MED25: variants seen among roughly 807,000 people sequenced by gnomAD.
MED25 encodes mediator complex subunit 25, also known as mediator of RNA polymerase II transcription subunit 25.
Under a neutral mutation model 89.4 loss-of-function variants are expected in MED25, and 62 were observed. That is an observed-to-expected ratio of 0.69 (90% confidence interval 0.57 to 0.86). The LOEUF (loss-of-function observed/expected upper bound fraction) is 0.86. Among genes scored for constraint, MED25 ranks in the 40% least tolerant of loss-of-function variants. The probability of loss-of-function intolerance (pLI) is 0.00; values close to 1 mark genes in which losing one functional copy is unlikely to be tolerated. For missense variants in MED25, 905 were observed against 1,005.2 expected, an observed-to-expected ratio of 0.90 and a Z score of 1.35; for synonymous variants, 449 against 427.9, an observed-to-expected ratio of 1.05 and a Z score of -0.61.
At chr19:49,825,179 A>T (rs16981464) in intron 3 of MED25, among the ~76,000 whole-genome samples, 1 of 152,138 alleles carries the variant, frequency 6.6e-6, no homozygotes, top group African/African-American at 2.4e-5. Context: ...CTTAGTGTTC[A>T]ATAAGAGAAA....
rs1172823227 is a variant in MED25, at chr19:49,836,655, T to C, written c.2147-192T>C. ...CCTGGGATTGCTGGGAAATGTGGTC[T>C]TAGGGCCAGAGAAGTAGTTTTGGAG... On this transcript the variant is annotated intron_variant, in intron 17 of 17. Transcript: ENST00000312865. The surrounding 1 kb of genome is among the most constrained non-coding windows in gnomAD (Gnocchi z 5.1). 5.4e-6 allele frequency: 4 copies of C among 738,676 alleles called. No homozygotes were observed. In the African/African-American group the frequency reaches 6.9e-5, roughly 13 times the overall value. 45.8% of individuals were successfully genotyped at this position (738,676 alleles called of 1,614,324 possible).
In MED25 at chr19:49,823,863, G is replaced by A. The variant is rs991380897; in HGVS notation, c.305+4567G>A. Reference sequence around the variant, plus strand: ...GTGGGGGCCGTCCTGGGTATTGTAGGATGTTTAACATCATCCTTGGCCTCT... The same window carrying A: ...GTGGGGGCCGTCCTGGGTATTGTAGAATGTTTAACATCATCCTTGGCCTCT... On this transcript the variant is annotated intron_variant, in intron 3 of 17. Transcript: ENST00000312865. Among the ~76,000 whole-genome samples, 4 of 152,208 alleles carry A rather than the reference G, an allele frequency of 2.6e-5. No homozygotes were observed. The South Asian group carries it at 6.2e-4, about 24-fold the overall frequency.
Position 49,831,581 on chromosome 19 carries a change from C to A in MED25, c.1230+120C>A. 1 of 1,298,552 alleles carries A rather than the reference C, an allele frequency of 7.7e-7. No individual in the cohort carries two copies. 80.4% of individuals were successfully genotyped at this position (1,298,552 alleles called of 1,614,324 possible). On this transcript the variant is annotated intron_variant, in intron 10 of 17. Coordinates refer to ENST00000312865, the MANE Select transcript of MED25 (RefSeq NM_030973.4). This position sits in a 1 kb window ranked among gnomAD's most constrained non-coding sequence, Gnocchi z 5.0. ...GTGCTGGGTTTGGAGGCATTCGTTG[C>A]GCTGGACCTGTGGGATGCGGGGCGA...
chr19:49,829,124 G>A lies in MED25; in HGVS notation c.525+34G>A. 1 of 1,593,066 alleles carries A rather than the reference G, an allele frequency of 6.3e-7. No individual in the cohort carries two copies. Among genetic ancestry groups the A allele is most frequent in the Non-Finnish European group, 8.6e-7 (1 of 1,166,212 alleles). ...TCCAGGGTCTGAGGGACGAGGGTCT[G>A]GGGGCCCGGAGTCTTGGGTCTGAGG... On this transcript the variant is annotated intron_variant, in intron 5 of 17. Transcript: ENST00000312865. The surrounding 1 kb of genome is among the most constrained non-coding windows in gnomAD (Gnocchi z 4.6).
At position 49,834,414 on chromosome 19, in the gene MED25, CT is replaced by C. The variant is rs1282876771; in HGVS notation, c.1483-571del. 3.5e-5 allele frequency: 6 copies of C among 170,408 alleles called. No homozygotes were observed. Among genetic ancestry groups the C allele is most frequent in the African/African-American group, 1.2e-4 (5 of 41,894 alleles). 10.6% of individuals were successfully genotyped at this position (170,408 alleles called of 1,614,324 possible). ...CCTGAATGCTCCATGTGTTACCCCCCTGATGACCAGTGATGTTTCCTGGGTG... is the reference window on the plus strand; with the variant it reads ...CCTGAATGCTCCATGTGTTACCCCCCGATGACCAGTGATGTTTCCTGGGTG... On this transcript the variant is annotated intron_variant, in intron 13 of 17. Coordinates refer to ENST00000312865, the MANE Select transcript of MED25 (RefSeq NM_030973.4). The surrounding 1 kb of genome is among the most constrained non-coding windows in gnomAD (Gnocchi z 4.1).
In MED25 at chr19:49,832,415, C is replaced by T. The variant is rs185234938; in HGVS notation, c.1482C>T (p.Phe494=). The T allele has an allele frequency of 3.4e-5, 53 of 1,569,392 alleles. No homozygotes were observed. In the African/African-American group the frequency reaches 5.7e-4, roughly 17 times the overall value. The change falls in exon 13 of 18, where the codon TTC becomes TTT. Residue 494 remains phenylalanine (F), a splice_region_variant and synonymous_variant. Coordinates refer to ENST00000312865, the MANE Select transcript of MED25 (RefSeq NM_030973.4). ...KGLYRIMGNG[F]AGCVHFPHTA... ...TCTACCGCATCATGGGCAACGGCTT[C>T]GTGAGTCCAGGGCATGGGGGGCCGA...
Position 49,831,864 on chromosome 19 carries a change from G to A in MED25, c.1231-72G>A, listed in dbSNP as rs1028166979. On this transcript the variant is annotated intron_variant, in intron 10 of 17. Transcript: ENST00000312865. The surrounding 1 kb of genome is among the most constrained non-coding windows in gnomAD (Gnocchi z 5.0). Reference sequence around the variant, plus strand: ...CATCCTGAGCTTTGGGGCTACCAGGGTAGGACATGAGGGCTCAAGGGGACT... The same window carrying A: ...CATCCTGAGCTTTGGGGCTACCAGGATAGGACATGAGGGCTCAAGGGGACT... 7.2e-7 allele frequency: 1 copy of A among 1,383,184 alleles called. No homozygotes were observed. Among genetic ancestry groups the A allele is most frequent in the Non-Finnish European group, 1.0e-6 (1 of 970,646 alleles). The allele number at this position is 1,383,184 out of a possible 1,614,324, so 85.7% of individuals were successfully genotyped here.
chr19:49,830,274 C>T lies in MED25; in HGVS notation c.819+56C>T. ...CTGGGGACTTGCTGGAGCCCTGGCC[C>T]CTGGGGAGAAATCTAGTTGCATGTT... On this transcript the variant is annotated intron_variant, in intron 7 of 17. Coordinates refer to ENST00000312865, the MANE Select transcript of MED25 (RefSeq NM_030973.4). The surrounding 1 kb of genome is among the most constrained non-coding windows in gnomAD (Gnocchi z 4.6). 1 of 1,569,168 alleles carries T rather than the reference C, an allele frequency of 6.4e-7. No homozygotes were observed. Among genetic ancestry groups the T allele is most frequent in the Non-Finnish European group, 8.7e-7 (1 of 1,149,284 alleles).
In MED25 at chr19:49,834,276, C is replaced by G. The variant is rs1262037509; in HGVS notation, c.1483-710C>G. 6.5e-6 allele frequency: 1 copy of G among 153,968 alleles called. No homozygotes were observed. Among genetic ancestry groups the G allele is most frequent in the Non-Finnish European group, 1.4e-5 (1 of 69,276 alleles). 9.5% of individuals were successfully genotyped at this position (153,968 alleles called of 1,614,324 possible). A position where few individuals can be genotyped will look rare whatever the true frequency, so the allele number is the denominator to read the frequency against. ...GCATTGGGAATGCAGGGGAGGAGGA[C>G]ACTTGGATATGGAATAGGCAGCTAG... On this transcript the variant is annotated intron_variant, in intron 13 of 17. Coordinates refer to ENST00000312865, the MANE Select transcript of MED25 (RefSeq NM_030973.4). The surrounding 1 kb of genome is among the most constrained non-coding windows in gnomAD (Gnocchi z 4.1).
Position 49,818,381 on chromosome 19 carries a change from G to T in MED25, c.40G>T (p.Val14Leu), listed in dbSNP as rs759296377. The change falls in exon 1 of 18, where the codon GTG (valine) becomes TTG (leucine). Residue 14 changes from valine to leucine, a missense_variant. Transcript: ENST00000312865. ...CGAGGGCCCGGCCCGCGCCGGGAGC[G>T]TGGTGGCCGACGTGGTGTTTGTGAT... The part of the protein sequence containing the change: ...GSEGPARAGS[V>L]VADVVFVIEG... 10 of 1,612,048 alleles carry T rather than the reference G, an allele frequency of 6.2e-6. No homozygotes were observed. The highest frequency in any genetic ancestry group is 2.2e-5 in the East Asian group (1 of 44,810).
At chr19:49,838,662 C>T, downstream of MED25, 2 of 457,104 alleles carry the variant, frequency 4.4e-6, no homozygotes, top group South Asian at 3.1e-5. Flanking sequence ...AAGTGAAGAG[C>T]ATGCCTATGT....
In MED25 at chr19:49,830,266, C is replaced by T. The variant is rs762403817; in HGVS notation, c.819+48C>T. ...ACATGCTTCTGGGGACTTGCTGGAG[C>T]CCTGGCCCCTGGGGAGAAATCTAGT... On this transcript the variant is annotated intron_variant, in intron 7 of 17. Coordinates refer to ENST00000312865, the MANE Select transcript of MED25 (RefSeq NM_030973.4). This position sits in a 1 kb window ranked among gnomAD's most constrained non-coding sequence, Gnocchi z 4.6. The T allele has an allele frequency of 1.3e-5, 20 of 1,581,170 alleles. No individual in the cohort carries two copies. The Admixed American group carries it at 3.2e-4, about 26-fold the overall frequency.
chr19:49,830,475 TCA>T lies in MED25; in HGVS notation c.820-34_820-33del, dbSNP rs774355984. Reference sequence around the variant, plus strand: ...TACCAGGACTGGGGGGCCATGGTCCTCACCAGTCCCTTCCCTTCTTCCCTTCT... The same window carrying T: ...TACCAGGACTGGGGGGCCATGGTCCTCCAGTCCCTTCCCTTCTTCCCTTCT... On this transcript the variant is annotated intron_variant, in intron 7 of 17. Transcript: ENST00000312865. The surrounding 1 kb of genome is among the most constrained non-coding windows in gnomAD (Gnocchi z 4.6). 4.4e-6 allele frequency: 7 copies of T among 1,599,348 alleles called. No individual in the cohort carries two copies.
Position 49,831,835 on chromosome 19 carries a change from G to A in MED25, c.1231-101G>A, listed in dbSNP as rs994907273. 3.4e-5 allele frequency: 38 copies of A among 1,110,204 alleles called. No homozygotes were observed. The highest frequency in any genetic ancestry group is 2.9e-4 in the South Asian group (23 of 78,628). The allele number at this position is 1,110,204 out of a possible 1,614,324, so 68.8% of individuals were successfully genotyped here. On this transcript the variant is annotated intron_variant, in intron 10 of 17. Transcript: ENST00000312865. This position sits in a 1 kb window ranked among gnomAD's most constrained non-coding sequence, Gnocchi z 5.0. ...CTGGGGCTCATGGGACTTAAACTGG[G>A]GAACATCCTGAGCTTTGGGGCTACC...
Position 49,835,064 on chromosome 19 carries a change from A to G in MED25, c.1561A>G (p.Ile521Val), listed in dbSNP as rs757919766. 4 of 1,614,014 alleles carry G rather than the reference A, an allele frequency of 2.5e-6. No individual in the cohort carries two copies. Among genetic ancestry groups the G allele is most frequent in the Non-Finnish European group, 3.4e-6 (4 of 1,179,988 alleles). ...GCTCCTGTACTCGTCCAAGAAGAAG[A>G]TCTTCATGGGCCTCATCCCCTACGA... Reference protein sequence around the residue: ...LMLLYSSKKKIFMGLIPYDQS... With the variant: ...LMLLYSSKKKVFMGLIPYDQS... Residue 521 changes from isoleucine (I) to valine (V), a missense_variant, in exon 14 of 18, where the codon ATC becomes GTC. By Grantham distance (29) the Ile-to-Val change is conservative (BLOSUM62 3). Coordinates refer to ENST00000312865, the MANE Select transcript of MED25 (RefSeq NM_030973.4). The surrounding 1 kb of genome is among the most constrained non-coding windows in gnomAD (Gnocchi z 6.2).
At chr19:49,839,125 T>G (rs2074118388), downstream of MED25, 1 of 261,754 alleles carries the variant, frequency 3.8e-6, no homozygotes, top group African/African-American at 2.2e-5. Context: ...ACCACCCAGT[T>G]AGCTTTATTT....
rs922930666 is a variant in MED25, at chr19:49,830,333, A to T, written c.819+115A>T. The T allele has an allele frequency of 1.5e-5, 18 of 1,231,080 alleles. No individual in the cohort carries two copies. The African/African-American group carries it at 2.4e-4, about 16-fold the overall frequency. 76.3% of individuals were successfully genotyped at this position (1,231,080 alleles called of 1,614,324 possible). A position where few individuals can be genotyped will look rare whatever the true frequency, so the allele number is the denominator to read the frequency against. On this transcript the variant is annotated intron_variant, in intron 7 of 17. Coordinates refer to ENST00000312865, the MANE Select transcript of MED25 (RefSeq NM_030973.4). The surrounding 1 kb of genome is among the most constrained non-coding windows in gnomAD (Gnocchi z 4.6). ...TGGGATGATGGGAGTCCCATGGGACATTGGGAAGGTGGGACTCTTGGGGCC... is the reference window on the plus strand; with the variant it reads ...TGGGATGATGGGAGTCCCATGGGACTTTGGGAAGGTGGGACTCTTGGGGCC...
chr19:49,838,669 A>G (rs569326990), downstream of MED25: 7 of 456,884 alleles, frequency 1.5e-5, no homozygotes, highest in Non-Finnish European at 2.2e-5. Context: ...GAGCATGCCT[A>G]TGTGTTTAAT....
Position 49,830,449 on chromosome 19 carries a change from ATACCAGGACTGGGG to A in MED25, c.820-61_820-48del. On this transcript the variant is annotated intron_variant, in intron 7 of 17. Transcript: ENST00000312865. The surrounding 1 kb of genome is among the most constrained non-coding windows in gnomAD (Gnocchi z 4.6). ...GCCATGGGTGGTGTGACCTCGTGGG[ATACCAGGACTGGGG>A]GGCCATGGTCCTCACCAGTCCCTTC... The A allele has an allele frequency of 6.5e-7, 1 of 1,544,028 alleles. No individual in the cohort carries two copies. The highest frequency in any genetic ancestry group is 1.4e-5 in the African/African-American group (1 of 73,642).
Sources: allele counts gnomAD v4.1 joint callset (sites outside exome capture counted in the v4.1 genomes callset), GRCh38; gene constraint gnomAD v4.1.1; non-coding constraint Gnocchi (gnomAD v3.1); transcripts MANE v1.5; gene names NCBI Gene and HGNC (gene_info 2026-07-23, HGNC 2026-07-21).